The following ADAMTS6 variants were observed in gnomAD, a reference collection of about 807,000 sequenced individuals.
ADAMTS6 encodes the protein A disintegrin and metalloproteinase with thrombospondin motifs 6.
In ADAMTS6, 23 loss-of-function variants were observed where a neutral mutation model predicts 144.3. The observed-to-expected ratio is 0.16, with a 90% CI of 0.11 to 0.23. The LOEUF (loss-of-function observed/expected upper bound fraction) is 0.23. Among genes scored for constraint, ADAMTS6 ranks in the 10% least tolerant of loss-of-function variants. The probability of loss-of-function intolerance (pLI) is 1.00; values close to 1 mark genes in which losing one functional copy is unlikely to be tolerated. For missense variants in ADAMTS6, 999 were observed against 1,379.6 expected, an observed-to-expected ratio of 0.72 and a Z score of 4.37; for synonymous variants, 444 against 457.5, an observed-to-expected ratio of 0.97 and a Z score of 0.38.
intron 9 of ADAMTS6, among the ~76,000 whole-genome samples, chr5:65,325,495 T>C (rs1218839834): frequency 1.3e-5 from 2 of 150,504 alleles, no homozygotes; most frequent in Non-Finnish European, 3.0e-5. Context: ...AATATAGCTT[T>C]TTTTTTTTTT....
intron 7 of ADAMTS6, among the ~76,000 whole-genome samples, chr5:65,365,280 C>G (rs6880278): frequency 0.57 from 87,156 of 151,986 alleles, 26,429 homozygotes; most frequent in African/African-American, 0.78. Flanking sequence ...AAAAACCAAA[C>G]TACTCATAAG....
intron 7 of ADAMTS6, among the ~76,000 whole-genome samples, chr5:65,422,930 A>C (rs1756193706): frequency 6.6e-6 from 1 of 152,324 alleles, no homozygotes; most frequent in African/African-American, 2.4e-5. Flanking sequence ...GAATGGATTA[A>C]GAAAATGCGA....
chr5:65,295,790 T>A (rs1014897177), intron 10 of ADAMTS6, among the ~76,000 whole-genome samples: 1 of 152,132 alleles, frequency 6.6e-6, no homozygotes, highest in Non-Finnish European at 1.5e-5. Context: ...CCCTTGATTA[T>A]GAAATTCACA....
intron 7 of ADAMTS6, among the ~76,000 whole-genome samples, chr5:65,366,166 A>C (rs1750292412): frequency 6.6e-6 from 1 of 152,182 alleles, no homozygotes; most frequent in African/African-American, 2.4e-5. Flanking sequence ...ACCTAACCTG[A>C]TAAATGCAAC....
At position 65,237,391 on chromosome 5, in the gene ADAMTS6, A is replaced by C. The variant is rs1264596825; in HGVS notation, c.1933+4713T>G. On this transcript the variant is annotated intron_variant, in intron 15 of 24. Transcript: ENST00000381055. ...CGACAGAGGGAGACCTTGTCTCAAA[A>C]AAAAAAAAAAAAAAGAAAACTCCAC... Among the ~76,000 whole-genome samples, 22 of 143,880 alleles carry C rather than the reference A, an allele frequency of 1.5e-4. No homozygotes were observed. The East Asian group carries it at 4.1e-3, about 27-fold the overall frequency. 94.4% of individuals were successfully genotyped at this position (143,880 alleles called of 152,430 possible).
chr5:65,405,803 G>A lies in ADAMTS6; in HGVS notation c.1073+45672C>T, dbSNP rs535347977. Among the ~76,000 whole-genome samples the A allele has an allele frequency of 2.6e-5, 4 of 152,138 alleles. No individual in the cohort carries two copies. The South Asian group carries it at 6.2e-4, about 24-fold the overall frequency. On this transcript the variant is annotated intron_variant, in intron 7 of 24. Coordinates refer to ENST00000381055, the MANE Select transcript of ADAMTS6 (RefSeq NM_197941.4). ...GCATGGAATGTTCTTCCATTTGTTC[G>A]TGTCCTCTTTTATTTCACTGAGCAG...
intron 1 of ADAMTS6, among the ~76,000 whole-genome samples, chr5:65,478,683 AG>A (rs1761009395): frequency 2.6e-5 from 4 of 152,214 alleles, no homozygotes; most frequent in African/African-American, 9.7e-5. Flanking sequence ...ATGATGATGG[AG>A]TCAATCAACT....
chr5:65,415,960 C>T (rs551800119), intron 7 of ADAMTS6: 2 of 181,460 alleles, frequency 1.1e-5, no homozygotes, highest in East Asian at 1.7e-4. Context: ...ATCATCTCAG[C>T]CCCCATGCCC....
At chr5:65,453,148 AAATG>A (rs567683309) in intron 4 of ADAMTS6, among the ~76,000 whole-genome samples, 65 of 152,312 alleles carry the variant, frequency 4.3e-4, no homozygotes, top group African/African-American at 1.5e-3. Flanking sequence ...CAAATCTAAG[AAATG>A]AATTAATTAA....
At chr5:65,374,901 C>A (rs547595344) in intron 7 of ADAMTS6, among the ~76,000 whole-genome samples, 2 of 152,174 alleles carry the variant, frequency 1.3e-5, no homozygotes, top group South Asian at 4.1e-4. Context: ...GGCACTGGTA[C>A]CAAAACAGAG....
chr5:65,451,042 G>A lies in ADAMTS6; in HGVS notation c.1073+433C>T, dbSNP rs534449974. Among the ~76,000 whole-genome samples, 285 of 152,052 alleles carry A rather than the reference G, an allele frequency of 1.9e-3. 3 individuals carry two copies. Among genetic ancestry groups the A allele is most frequent in the Non-Finnish European group, 3.3e-3 (222 of 67,934 alleles). On this transcript the variant is annotated intron_variant, in intron 7 of 24. Coordinates refer to ENST00000381055, the MANE Select transcript of ADAMTS6 (RefSeq NM_197941.4). ...GTAAGTTGTATAACTGCCAGTCTCC[G>A]CCTCCCTTTTAATAAACTTTAACAC...
chr5:65,329,319 T>C, intron 9 of ADAMTS6, 59 bp downstream of exon 9: 1 of 1,494,114 alleles, frequency 6.7e-7, no homozygotes, highest in Non-Finnish European at 9.3e-7. Flanking sequence ...ATACAGTAGT[T>C]ACAAGTTGCT....
chr5:65,197,443 TAACA>T (rs759996905), intron 20 of ADAMTS6, among the ~76,000 whole-genome samples: 7 of 152,222 alleles, frequency 4.6e-5, no homozygotes, highest in Non-Finnish European at 7.3e-5. Flanking sequence ...GTGCTTCCCT[TAACA>T]AACAAACAAA....
At chr5:65,295,905 C>G (rs1234825852) in intron 10 of ADAMTS6, among the ~76,000 whole-genome samples, 1 of 151,896 alleles carries the variant, frequency 6.6e-6, no homozygotes, top group Non-Finnish European at 1.5e-5. Context: ...TTTACATAAT[C>G]CAAAAATTAG....
intron 7 of ADAMTS6, among the ~76,000 whole-genome samples, chr5:65,432,676 T>A (rs1366236886): frequency 6.6e-6 from 1 of 152,150 alleles, no homozygotes; most frequent in Non-Finnish European, 1.5e-5. Context: ...TTTGTTGAGT[T>A]TGTTTTAACA....
At chr5:65,450,338 G>A (rs1009271061) in intron 7 of ADAMTS6, among the ~76,000 whole-genome samples, 1 of 152,096 alleles carries the variant, frequency 6.6e-6, no homozygotes, top group African/African-American at 2.4e-5. Context: ...AAATTTCACT[G>A]TATGACTCAG....
rs148480541 is a variant in ADAMTS6, at chr5:65,188,629, T to G, written c.2706-409A>C. 2.3e-3 allele frequency among the ~76,000 whole-genome samples: 344 copies of G among 152,276 alleles called. 3 individuals are homozygous for G. Among genetic ancestry groups the G allele is most frequent in the African/African-American group, 8.0e-3 (332 of 41,566 alleles). The stretch of plus-strand genomic sequence containing the variant: ...GGCAGGGGGTGGGGGAGTTCTGATT[T>G]GTGGCATTTGCCAATTTTTGTAGTG... On this transcript the variant is annotated intron_variant, in intron 21 of 24. Coordinates refer to ENST00000381055, the MANE Select transcript of ADAMTS6 (RefSeq NM_197941.4).
chr5:65,214,509 G>A lies in ADAMTS6; in HGVS notation c.2575+285C>T, dbSNP rs905055524. ...TGTTCTTTACCAAGAATGTGTTCAC[G>A]AAAGGCAAACAGCCCACCTTCAAGA... On this transcript the variant is annotated intron_variant, in intron 20 of 24. Transcript: ENST00000381055. This position sits in a 1 kb window ranked among gnomAD's most constrained non-coding sequence, Gnocchi z 4.6. The A allele has an allele frequency of 1.6e-4, 76 of 469,986 alleles. No individual in the cohort carries two copies. The highest frequency in any genetic ancestry group is 2.7e-4 in the Non-Finnish European group (70 of 256,850). The allele number at this position is 469,986 out of a possible 1,614,324, so 29.1% of individuals were successfully genotyped here.
At chr5:65,163,759 T>C (rs1752937262) in intron 24 of ADAMTS6, among the ~76,000 whole-genome samples, 2 of 152,238 alleles carry the variant, frequency 1.3e-5, no homozygotes, top group South Asian at 4.1e-4. Context: ...CATGTGCATA[T>C]ATTTGACCCT....
Sources: allele counts gnomAD v4.1 joint callset (sites outside exome capture counted in the v4.1 genomes callset), GRCh38; gene constraint gnomAD v4.1.1; non-coding constraint Gnocchi (gnomAD v3.1); transcripts MANE v1.5; gene names NCBI Gene and HGNC (gene_info 2026-07-23, HGNC 2026-07-21).